The following MGMT variants were observed in gnomAD, a reference collection of about 807,000 sequenced individuals.
MGMT encodes the protein O-6-methylguanine-DNA methyltransferase.
MGMT carries 14 observed loss-of-function variants against 15.9 expected under a neutral mutation model. That is an observed-to-expected ratio of 0.88 (90% confidence interval 0.58 to 1.37). The LOEUF (loss-of-function observed/expected upper bound fraction) is 1.37, where lower values mean the gene tolerates loss of function less well. Among genes scored for constraint, MGMT ranks in the 40% most tolerant of loss-of-function variants. The probability of loss-of-function intolerance (pLI) is 0.00; values close to 1 mark genes in which losing one functional copy is unlikely to be tolerated. For synonymous variants in MGMT, 130 were observed against 118.2 expected, an observed-to-expected ratio of 1.10 and a Z score of -0.65; for missense variants, 282 against 268.1, an observed-to-expected ratio of 1.05 and a Z score of -0.36.
At chr10:129,492,993 A>T (rs996628505) in intron 1 of MGMT, among the ~76,000 whole-genome samples, 8 of 152,222 alleles carry the variant, frequency 5.3e-5, no homozygotes, top group South Asian at 2.1e-4. Context: ...TATTCTACAC[A>T]GGTTGCTTTA....
chr10:129,703,353 G>T (rs563869639), intron 2 of MGMT, among the ~76,000 whole-genome samples: 3 of 152,172 alleles, frequency 2.0e-5, no homozygotes, highest in Non-Finnish European at 4.4e-5. Context: ...GGACGCCCGC[G>T]TGGGCAGAGG....
At chr10:129,475,887 G>C (rs1224177525) in intron 1 of MGMT, among the ~76,000 whole-genome samples, 3 of 152,234 alleles carry the variant, frequency 2.0e-5, no homozygotes, top group African/African-American at 7.2e-5. Context: ...TGACCACCCT[G>C]TGGTCATCCT....
chr10:129,705,145 C>T (rs1289765572), intron 2 of MGMT, among the ~76,000 whole-genome samples: 1 of 152,244 alleles, frequency 6.6e-6, no homozygotes, highest in Non-Finnish European at 1.5e-5. Flanking sequence ...GACGCAGGCC[C>T]ATGGCCGTGT....
chr10:129,543,140 G>A (rs1016129070), intron 2 of MGMT, among the ~76,000 whole-genome samples: 8 of 152,312 alleles, frequency 5.3e-5, no homozygotes, highest in South Asian at 2.1e-4. Flanking sequence ...GCTGGCCCCC[G>A]GACACACAGT....
chr10:129,637,625 G>A (rs533635897), intron 2 of MGMT, among the ~76,000 whole-genome samples: 77 of 152,258 alleles, frequency 5.1e-4, no homozygotes, highest in Non-Finnish European at 9.3e-4. Flanking sequence ...CCCTCAGTAC[G>A]TCGGAGCGTG....
At chr10:129,662,844 A>C (rs1213796035) in intron 2 of MGMT, among the ~76,000 whole-genome samples, 2 of 152,198 alleles carry the variant, frequency 1.3e-5, no homozygotes, top group Non-Finnish European at 2.9e-5. Flanking sequence ...GAACACCTTA[A>C]AATGCTAAAA....
intron 1 of MGMT, among the ~76,000 whole-genome samples, chr10:129,519,222 T>A (rs574294996): frequency 6.6e-6 from 1 of 152,342 alleles, no homozygotes; most frequent in South Asian, 2.1e-4. Context: ...GAATTTACTG[T>A]AAGATAAAAG....
At chr10:129,518,133 A>G (rs1436462482) in intron 1 of MGMT, among the ~76,000 whole-genome samples, 1 of 151,954 alleles carries the variant, frequency 6.6e-6, no homozygotes, top group Admixed American at 6.5e-5. Context: ...CAGGAAGCGT[A>G]TCTCACCGTG....
chr10:129,674,668 G>A (rs1847764210), intron 2 of MGMT, among the ~76,000 whole-genome samples: 1 of 152,260 alleles, frequency 6.6e-6, no homozygotes, highest in Non-Finnish European at 1.5e-5. Flanking sequence ...GGAAAACCTT[G>A]GTGGCTTTGT....
rs1432447530 is a variant in MGMT at position 129,767,799 on chromosome 10, G to A, written c.*802G>A. The A allele has an allele frequency of 6.6e-6, 1 of 152,252 alleles. No homozygotes were observed. Among genetic ancestry groups the A allele is most frequent in the Non-Finnish European group, 1.5e-5 (1 of 68,100 alleles). 9.4% of individuals were successfully genotyped at this position (152,252 alleles called of 1,614,324 possible). On this transcript the variant is annotated 3_prime_UTR_variant, in exon 5 of 5. Coordinates refer to ENST00000651593, the MANE Select transcript of MGMT (RefSeq NM_002412.5). ...CCCAAAGGGCCCTCAGGGACCATGG[G>A]CCTGTTAGGACCCCAGCACCCCAGT...
chr10:129,471,697 G>T (rs1235988898), intron 1 of MGMT, among the ~76,000 whole-genome samples: 2 of 152,098 alleles, frequency 1.3e-5, no homozygotes, highest in African/African-American at 4.8e-5. Context: ...GGGCCCCATG[G>T]GAGACCTACA....
At chr10:129,506,326 G>A (rs867028198) in intron 1 of MGMT, among the ~76,000 whole-genome samples, 3 of 152,054 alleles carry the variant, frequency 2.0e-5, no homozygotes, top group Non-Finnish European at 4.4e-5. Flanking sequence ...GCCTACCCTC[G>A]GTTCATCCAT....
chr10:129,621,876 G>C (rs568231290), intron 2 of MGMT, among the ~76,000 whole-genome samples: 1 of 152,298 alleles, frequency 6.6e-6, no homozygotes, highest in African/African-American at 2.4e-5. Context: ...CATGTAAGTA[G>C]AGCTATCCAT....
At chr10:129,674,430 C>T (rs1847761738) in intron 2 of MGMT, among the ~76,000 whole-genome samples, 3 of 152,318 alleles carry the variant, frequency 2.0e-5, no homozygotes, top group South Asian at 4.1e-4. Flanking sequence ...CACTCCTGCC[C>T]CTGCCCCTGA....
rs1431779977 is a variant in MGMT at position 129,708,059 on chromosome 10, A to G, written c.274+16A>G. ...TTCCAGCAAGGTCGGTAACTAAGCCATCTGCGGTGTTTCCTTTGGGGAGCT... is the reference window on the plus strand; with the variant it reads ...TTCCAGCAAGGTCGGTAACTAAGCCGTCTGCGGTGTTTCCTTTGGGGAGCT... On this transcript the variant is annotated intron_variant, in intron 3 of 4. Transcript: ENST00000651593. 3.7e-6 allele frequency: 6 copies of G among 1,604,810 alleles called. No homozygotes were observed. Among genetic ancestry groups the G allele is most frequent in the South Asian group, 1.1e-5 (1 of 90,486 alleles).
chr10:129,594,594 C>T (rs892435501), intron 2 of MGMT, among the ~76,000 whole-genome samples: 2 of 152,306 alleles, frequency 1.3e-5, no homozygotes, highest in African/African-American at 2.4e-5. Flanking sequence ...GGTCTCACAG[C>T]TTTCTCCTGC....
At chr10:129,538,341 C>T (rs1846008260) in intron 2 of MGMT, among the ~76,000 whole-genome samples, 1 of 152,142 alleles carries the variant, frequency 6.6e-6, no homozygotes, top group South Asian at 2.1e-4. Flanking sequence ...AGAGTAAATT[C>T]CTGAGTGTGG....
rs145418810 is a variant in MGMT at position 129,742,925 on chromosome 10, C to G, written c.275-16277C>G. On this transcript the variant is annotated intron_variant, in intron 3 of 4. Transcript: ENST00000651593. ...CAGCACTGCCCCACCACCGCAGCTG[C>G]CCATGCTCAGAGCCAGGTCATCAGG... 4.8e-3 allele frequency among the ~76,000 whole-genome samples: 730 copies of G among 152,322 alleles called. 18 individuals are homozygous for G. Among genetic ancestry groups the G allele is most frequent in the East Asian group, 5.6e-3 (29 of 5,184 alleles).
At chr10:129,491,061 G>T (rs1035305267) in intron 1 of MGMT, among the ~76,000 whole-genome samples, 2 of 152,022 alleles carry the variant, frequency 1.3e-5, no homozygotes, top group African/African-American at 4.8e-5. Flanking sequence ...TAAACGTTTG[G>T]TGTTTGTGTC....
Sources: gnomAD v4.1 joint callset for allele counts (sites outside exome capture counted in the v4.1 genomes callset) on GRCh38, gnomAD v4.1.1 for gene constraint, MANE v1.5 for transcripts, NCBI Gene and HGNC (gene_info 2026-07-23, HGNC 2026-07-21) for gene names.